The following CNBD1 variants were observed in gnomAD, a reference collection of about 807,000 sequenced individuals.
CNBD1 encodes cyclic nucleotide-binding domain-containing protein 1.
Under a neutral mutation model 54.4 loss-of-function variants are expected in CNBD1, and 71 were observed. The ratio of observed to expected loss-of-function variants is 1.30; its 90% CI spans 1.08 to 1.59. The LOEUF (loss-of-function observed/expected upper bound fraction) is 1.59. Among genes scored for constraint, CNBD1 ranks in the 40% most tolerant of loss-of-function variants. The probability of loss-of-function intolerance (pLI) is 0.00; values close to 1 mark genes in which losing one functional copy is unlikely to be tolerated. For synonymous variants in CNBD1, 182 were observed against 170.7 expected (o/e 1.07, Z -0.51); for missense variants, 659 against 518.0 (o/e 1.27, Z -2.64).
intron 4 of CNBD1, among the ~76,000 whole-genome samples, chr8:87,030,215 TCA>T (rs1306376162): frequency 1.3e-5 from 2 of 152,210 alleles, no homozygotes; most frequent in African/African-American, 2.4e-5. Flanking sequence ...GGAAACTGTC[TCA>T]CAATGCTTTG....
intron 8 of CNBD1, among the ~76,000 whole-genome samples, chr8:87,320,782 C>A (rs1476052394): frequency 1.3e-5 from 2 of 152,110 alleles, no homozygotes; most frequent in Non-Finnish European, 2.9e-5. Flanking sequence ...TTATCAACTG[C>A]AATCACAATG....
intron 1 of CNBD1, among the ~76,000 whole-genome samples, chr8:86,885,246 A>G (rs1808665051): frequency 6.6e-6 from 1 of 152,230 alleles, no homozygotes; most frequent in African/African-American, 2.4e-5. Flanking sequence ...TAACACATAT[A>G]AATGATCATC....
chr8:87,015,398 G>A (rs1181181153), intron 4 of CNBD1, among the ~76,000 whole-genome samples: 1 of 152,052 alleles, frequency 6.6e-6, no homozygotes, highest in Non-Finnish European at 1.5e-5. Context: ...TGTTAGTCAG[G>A]ATGGTCTCCG....
At chr8:87,252,889 C>G (rs1473173907) in intron 6 of CNBD1, among the ~76,000 whole-genome samples, 1 of 151,992 alleles carries the variant, frequency 6.6e-6, no homozygotes, top group South Asian at 2.1e-4. Context: ...TTGTGATGCA[C>G]TGTAAAGGAA....
At chr8:87,223,630 C>A (rs926445339) in intron 5 of CNBD1, among the ~76,000 whole-genome samples, 1 of 152,046 alleles carries the variant, frequency 6.6e-6, no homozygotes. Flanking sequence ...TTTTCTTAAT[C>A]CAGTCTATCA....
chr8:87,334,285 G>A (rs186267491), intron 8 of CNBD1, among the ~76,000 whole-genome samples: 4 of 151,254 alleles, frequency 2.6e-5, no homozygotes, highest in Admixed American at 2.6e-4. Context: ...TTCTTTATTA[G>A]TCTAGCTAGC....
rs1811421776 is a variant in CNBD1, at chr8:87,101,158, TAAAGTAGCTGGGA to T, written c.432-104829_432-104817del. On this transcript the variant is annotated intron_variant, in intron 4 of 10. Coordinates refer to ENST00000518476, the MANE Select transcript of CNBD1 (RefSeq NM_173538.3). ...AGGATAAAATAAAATTTATTAGGTG[TAAAGTAGCTGGGA>T]AAAGTTACTTAATAAAAATATCAGT... 2.6e-5 allele frequency among the ~76,000 whole-genome samples: 4 copies of T among 152,326 alleles called. No homozygotes were observed. The South Asian group carries it at 8.3e-4, about 32-fold the overall frequency.
At chr8:87,130,789 A>G (rs952455720) in intron 4 of CNBD1, among the ~76,000 whole-genome samples, 2 of 151,996 alleles carry the variant, frequency 1.3e-5, no homozygotes. Context: ...AAAAAAAAAA[A>G]AAAATTCCTG....
chr8:86,951,055 T>C (rs1337734922), intron 4 of CNBD1, among the ~76,000 whole-genome samples: 3 of 152,214 alleles, frequency 2.0e-5, no homozygotes, highest in East Asian at 1.9e-4. Flanking sequence ...ACATTACTTT[T>C]CTACTGTTTG....
intron 8 of CNBD1, among the ~76,000 whole-genome samples, chr8:87,289,479 G>T (rs909043437): frequency 2.0e-5 from 3 of 152,070 alleles, no homozygotes; most frequent in Non-Finnish European, 2.9e-5. Context: ...TAATCAACCT[G>T]TTCCCATGTG....
downstream of CNBD1, among the ~76,000 whole-genome samples, chr8:87,386,378 T>C (rs2130964489): frequency 6.6e-6 from 1 of 151,734 alleles, no homozygotes; most frequent in East Asian, 1.9e-4. Context: ...AAAAATTAGA[T>C]GAATGGCTAA....
intron 6 of CNBD1, among the ~76,000 whole-genome samples, chr8:87,264,122 T>C (rs1160673021): frequency 6.6e-6 from 1 of 152,138 alleles, no homozygotes; most frequent in Non-Finnish European, 1.5e-5. Flanking sequence ...ACATTAGGTA[T>C]ATCTCTTAAT....
intron 5 of CNBD1, among the ~76,000 whole-genome samples, chr8:87,229,661 A>C (rs908634200): frequency 2.6e-5 from 4 of 152,186 alleles, no homozygotes; most frequent in African/African-American, 9.7e-5. Context: ...TCTTCATTTT[A>C]ACTCCATTTA....
intron 4 of CNBD1, among the ~76,000 whole-genome samples, chr8:87,097,293 A>C (rs1377570706): frequency 6.6e-6 from 1 of 152,158 alleles, no homozygotes; most frequent in East Asian, 1.9e-4. Context: ...AATGAATCTA[A>C]GGACTGGAAA....
At chr8:87,409,063 C>A (rs1807697388) in intron 2 of CNBD1, among the ~76,000 whole-genome samples, 1 of 151,976 alleles carries the variant, frequency 6.6e-6, no homozygotes, top group Non-Finnish European at 1.5e-5. Flanking sequence ...TACTTTAAAT[C>A]AAAATGTAGA....
intron 2 of CNBD1, among the ~76,000 whole-genome samples, chr8:87,415,138 A>G (rs1363977280): frequency 6.6e-6 from 1 of 152,042 alleles, no homozygotes; most frequent in Non-Finnish European, 1.5e-5. Flanking sequence ...CCACATGTAC[A>G]TTGATTTCTG....
chr8:87,211,329 T>C (rs1235358896), intron 5 of CNBD1, among the ~76,000 whole-genome samples: 2 of 152,128 alleles, frequency 1.3e-5, no homozygotes, highest in Non-Finnish European at 2.9e-5. Context: ...CTTGGGACTT[T>C]TGAGTTAATG....
intron 4 of CNBD1, among the ~76,000 whole-genome samples, chr8:86,988,392 G>A (rs1808658722): frequency 6.6e-6 from 1 of 151,672 alleles, no homozygotes. Context: ...TATTTTTTGT[G>A]GGTACATGGT....
At chr8:86,998,205 TTC>T (rs1192910483) in intron 4 of CNBD1, among the ~76,000 whole-genome samples, 1 of 150,002 alleles carries the variant, frequency 6.7e-6, no homozygotes, top group Non-Finnish European at 1.5e-5. Context: ...TTGTGTGTGT[TTC>T]TGTTTTTTTT....
Sources: allele counts gnomAD v4.1 joint callset (sites outside exome capture counted in the v4.1 genomes callset), GRCh38; gene constraint gnomAD v4.1.1; transcripts MANE v1.5; gene names NCBI Gene and HGNC (gene_info 2026-07-23, HGNC 2026-07-21).